Variants in PALLD observed in about 807,000 individuals in gnomAD.
The protein encoded by PALLD is palladin, cytoskeletal associated protein.
In PALLD, 61 loss-of-function variants were observed where a neutral mutation model predicts 123.5. The observed-to-expected ratio is 0.49, with a 90% CI of 0.40 to 0.61. The LOEUF is 0.61. Among genes scored for constraint, PALLD ranks in the 20% least tolerant of loss-of-function variants. The probability of loss-of-function intolerance (pLI) is 0.00; values close to 1 mark genes in which losing one functional copy is unlikely to be tolerated. For missense variants in PALLD, 1,273 were observed against 1,377.0 expected, an observed-to-expected ratio of 0.92 and a Z score of 1.20; for synonymous variants, 465 against 496.4, an observed-to-expected ratio of 0.94 and a Z score of 0.84.
intron 2 of PALLD, among the ~76,000 whole-genome samples, chr4:168,557,066 CAG>C (rs1767393983): frequency 9.8e-6 from 1 of 101,786 alleles, no homozygotes; most frequent in Non-Finnish European, 2.4e-5. Flanking sequence ...TGTTTTGAGA[CAG>C]AGTCTCGCTC....
chr4:168,508,047 G>T (rs1762176949), intron 1 of PALLD, among the ~76,000 whole-genome samples: 1 of 152,082 alleles, frequency 6.6e-6, no homozygotes, highest in Non-Finnish European at 1.5e-5. Context: ...TTGCTTCTAG[G>T]TGCTATCACA....
At chr4:168,741,772 A>G (rs980468274) in intron 10 of PALLD, among the ~76,000 whole-genome samples, 4 of 152,214 alleles carry the variant, frequency 2.6e-5, no homozygotes, top group Admixed American at 2.6e-4. Context: ...GCAAAGACCT[A>G]GAACATGAGT....
intron 2 of PALLD, among the ~76,000 whole-genome samples, chr4:168,522,647 C>A (rs1373074120): frequency 6.6e-6 from 1 of 152,176 alleles, no homozygotes; most frequent in Non-Finnish European, 1.5e-5. Flanking sequence ...TTTGGAGTTA[C>A]TTTATAAATG....
At chr4:168,739,827 C>A (rs1465978831) in intron 10 of PALLD, among the ~76,000 whole-genome samples, 1 of 152,296 alleles carries the variant, frequency 6.6e-6, no homozygotes, top group Admixed American at 6.5e-5. Flanking sequence ...GATAAGGGTA[C>A]CTATTTACTG....
chr4:168,639,545 T>C (rs1198837005), intron 2 of PALLD, among the ~76,000 whole-genome samples: 6 of 131,664 alleles, frequency 4.6e-5, no homozygotes, highest in East Asian at 2.0e-4. Context: ...GCCATTCAAC[T>C]TTTTTTTTTT....
chr4:168,883,075 C>A (rs1284217105), intron 10 of PALLD, among the ~76,000 whole-genome samples: 1 of 144,514 alleles, frequency 6.9e-6, no homozygotes. Flanking sequence ...GGTGACAGAG[C>A]AAAACTCTGT....
intron 2 of PALLD, among the ~76,000 whole-genome samples, chr4:168,617,804 C>T (rs1774375244): frequency 1.3e-5 from 2 of 152,044 alleles, no homozygotes; most frequent in African/African-American, 4.8e-5. Context: ...CAATAAATGG[C>T]AAATATTATG....
chr4:168,818,430 T>C (rs1299061522), intron 10 of PALLD, among the ~76,000 whole-genome samples: 2 of 152,136 alleles, frequency 1.3e-5, no homozygotes, highest in Non-Finnish European at 2.9e-5. Flanking sequence ...GGACTCCATC[T>C]CTACAAAAAA....
chr4:168,547,422 G>A (rs1224206416), intron 2 of PALLD, among the ~76,000 whole-genome samples: 1 of 151,954 alleles, frequency 6.6e-6, no homozygotes, highest in African/African-American at 2.4e-5. Flanking sequence ...TGGGGTAACT[G>A]TGAAGATCTC....
chr4:168,857,262 A>G (rs891417396), intron 10 of PALLD, among the ~76,000 whole-genome samples: 2 of 152,216 alleles, frequency 1.3e-5, no homozygotes, highest in African/African-American at 4.8e-5. Context: ...AGCGCTCTGT[A>G]AGACGACTTC....
chr4:168,847,586 A>G (rs1747059798), intron 10 of PALLD, among the ~76,000 whole-genome samples: 1 of 152,220 alleles, frequency 6.6e-6, no homozygotes, highest in Non-Finnish European at 1.5e-5. Flanking sequence ...TGCCCTGTGG[A>G]GTGGAATTGT....
At chr4:168,918,083 C>T (rs1204096311) in intron 17 of PALLD, among the ~76,000 whole-genome samples, 2 of 151,808 alleles carry the variant, frequency 1.3e-5, no homozygotes, top group Non-Finnish European at 2.9e-5. Context: ...TCTGTAGTCC[C>T]AGCTACTCAG....
intron 10 of PALLD, among the ~76,000 whole-genome samples, chr4:168,876,618 CATG>C (rs1751785634): frequency 6.6e-6 from 1 of 152,212 alleles, no homozygotes; most frequent in African/African-American, 2.4e-5. Flanking sequence ...TCCCACAGCT[CATG>C]ATACTTGAGA....
chr4:168,605,841 C>G (rs1773108464), intron 2 of PALLD, among the ~76,000 whole-genome samples: 1 of 152,212 alleles, frequency 6.6e-6, no homozygotes, highest in Admixed American at 6.5e-5. Flanking sequence ...GGAATTCTTG[C>G]CACCAGAAGA....
At chr4:168,725,141 A>T (rs1289639876) in intron 10 of PALLD, among the ~76,000 whole-genome samples, 1 of 152,216 alleles carries the variant, frequency 6.6e-6, no homozygotes, top group African/African-American at 2.4e-5. Context: ...TGAATGACTA[A>T]CAGTTGAATG....
intron 2 of PALLD, among the ~76,000 whole-genome samples, chr4:168,529,280 T>C (rs1262996479): frequency 6.6e-6 from 1 of 151,142 alleles, no homozygotes; most frequent in Admixed American, 6.6e-5. Context: ...GAGGTTGCAG[T>C]GAGCTGAGAT....
rs1187047242 is a variant in PALLD, at chr4:168,844,657, G to A, written c.1965-46265G>A. On this transcript the variant is annotated intron_variant, in intron 10 of 21. Transcript: ENST00000505667. This position sits in a 1 kb window ranked among gnomAD's most constrained non-coding sequence, Gnocchi z 4.5. ...TGGAAAAAAAAGTTGTGCAACAGGAGATTGGACTCTGGCATCCCACAGCGT... is the reference window on the plus strand; with the variant it reads ...TGGAAAAAAAAGTTGTGCAACAGGAAATTGGACTCTGGCATCCCACAGCGT... 2 of 152,210 alleles carry A rather than the reference G, an allele frequency of 1.3e-5. No individual in the cohort carries two copies. Among genetic ancestry groups the A allele is most frequent in the Non-Finnish European group, 1.5e-5 (1 of 68,032 alleles). 9.4% of individuals were successfully genotyped at this position (152,210 alleles called of 1,614,324 possible).
chr4:168,503,034 A>G (rs1352244786), intron 1 of PALLD, among the ~76,000 whole-genome samples: 2 of 152,206 alleles, frequency 1.3e-5, no homozygotes, highest in East Asian at 3.9e-4. Flanking sequence ...ATGTGTGTCA[A>G]ATCCTATCCA....
At chr4:168,591,350 A>G (rs1280809542) in intron 2 of PALLD, among the ~76,000 whole-genome samples, 2 of 152,194 alleles carry the variant, frequency 1.3e-5, no homozygotes, top group Non-Finnish European at 2.9e-5. Context: ...GATGGGTTCA[A>G]ATCCCAGTGG....
Sources: allele counts gnomAD v4.1 joint callset (sites outside exome capture counted in the v4.1 genomes callset), GRCh38; gene constraint gnomAD v4.1.1; non-coding constraint Gnocchi (gnomAD v3.1); transcripts MANE v1.5; gene names NCBI Gene and HGNC (gene_info 2026-07-23, HGNC 2026-07-21).